The following CACNB2 variants were observed in gnomAD, a reference collection of about 807,000 sequenced individuals.
CACNB2 encodes calcium voltage-gated channel auxiliary subunit beta 2, also known as voltage-dependent L-type calcium channel subunit beta-2.
Under a neutral mutation model 73.3 loss-of-function variants are expected in CACNB2, and 42 were observed. The observed-to-expected ratio is 0.57, with a 90% CI of 0.45 to 0.74. The LOEUF (loss-of-function observed/expected upper bound fraction) is 0.74. CACNB2 is among the 30% of genes least tolerant of loss of function. CACNB2 has a pLI of 0.00. For synonymous variants in CACNB2, 348 were observed against 310.3 expected, an observed-to-expected ratio of 1.12 and a Z score of -1.28; for missense variants, 940 against 853.0, an observed-to-expected ratio of 1.10 and a Z score of -1.27.
intron 2 of CACNB2, among the ~76,000 whole-genome samples, chr10:18,161,551 T>A (rs1488982122): frequency 6.6e-6 from 1 of 151,918 alleles, no homozygotes; most frequent in Non-Finnish European, 1.5e-5. Context: ...ATGACCCCCA[T>A]TCTCATTGCC....
At chr10:18,225,628 CCTTT>C (rs1299670628) in intron 2 of CACNB2, among the ~76,000 whole-genome samples, 6 of 132,590 alleles carry the variant, frequency 4.5e-5, no homozygotes, top group Non-Finnish European at 7.9e-5. Context: ...TTCCTTCCTT[CCTTT>C]CTTTCTTTTC....
intron 2 of CACNB2, among the ~76,000 whole-genome samples, chr10:18,199,304 T>A (rs1010052859): frequency 6.6e-6 from 1 of 152,138 alleles, no homozygotes; most frequent in Admixed American, 6.6e-5. Flanking sequence ...TGGAGAGACA[T>A]ACAATAAACA....
intron 2 of CACNB2, among the ~76,000 whole-genome samples, chr10:18,197,584 C>A (rs1206217718): frequency 6.6e-6 from 1 of 152,158 alleles, no homozygotes. Context: ...CAAAGTGCAT[C>A]TTAAGAGGGC....
chr10:18,269,158 A>G (rs896652004), intron 2 of CACNB2, among the ~76,000 whole-genome samples: 2 of 152,204 alleles, frequency 1.3e-5, no homozygotes. Context: ...TCCTAAATAA[A>G]TAAAGGTCAG....
intron 2 of CACNB2, among the ~76,000 whole-genome samples, chr10:18,381,701 A>G (rs1288422605): frequency 6.6e-6 from 1 of 151,924 alleles, no homozygotes; most frequent in Non-Finnish European, 1.5e-5. Flanking sequence ...AAAAAAAAAA[A>G]AAAAAGGTTC....
chr10:18,248,829 C>T (rs992120365), intron 2 of CACNB2, among the ~76,000 whole-genome samples: 1 of 152,204 alleles, frequency 6.6e-6, no homozygotes, highest in African/African-American at 2.4e-5. Flanking sequence ...CTGTTCCTCT[C>T]TCCCTCTGTC....
intron 3 of CACNB2, among the ~76,000 whole-genome samples, chr10:18,422,060 C>T (rs540808530): frequency 6.6e-6 from 1 of 152,298 alleles, no homozygotes; most frequent in Admixed American, 6.5e-5. Flanking sequence ...TTTTGATGTT[C>T]CGTTTTAAGA....
Position 18,514,251 on chromosome 10 carries a change from C to A in CACNB2, c.686C>A (p.Ala229Asp), listed in dbSNP as rs145885745. Residue 229 changes from alanine to aspartate, a missense_variant, in exon 7 of 14, where the codon GCT becomes GAT. Physicochemically the swap from Ala to Asp is moderately radical, Grantham distance 126 (BLOSUM62 -2). Coordinates refer to ENST00000324631, the MANE Select transcript of CACNB2 (RefSeq NM_201596.3). ...TPPSSAIDID[A>D]TGLDAEENDI... ...CTGTATATAGCTATAGACATAGATG[C>A]TACTGGCTTAGATGCAGAAGAAAAT... 35 of 1,613,994 alleles carry A rather than the reference C, an allele frequency of 2.2e-5. No individual in the cohort carries two copies. Among genetic ancestry groups the A allele is most frequent in the Non-Finnish European group, 2.8e-5 (33 of 1,179,990 alleles).
intron 3 of CACNB2, among the ~76,000 whole-genome samples, chr10:18,412,962 T>C (rs1272064854): frequency 6.6e-6 from 1 of 152,148 alleles, no homozygotes; most frequent in African/African-American, 2.4e-5. Context: ...TATTTTATTG[T>C]GTTGTATTTT....
intron 2 of CACNB2, among the ~76,000 whole-genome samples, chr10:18,169,629 T>A (rs1167820291): frequency 6.6e-6 from 1 of 152,162 alleles, no homozygotes; most frequent in Admixed American, 6.5e-5. Flanking sequence ...TTTTGTAAGG[T>A]AGGTGTTTCA....
chr10:18,300,717 TG>T (rs1171873047), intron 2 of CACNB2, among the ~76,000 whole-genome samples: 1 of 152,054 alleles, frequency 6.6e-6, no homozygotes, highest in Non-Finnish European at 1.5e-5. Flanking sequence ...TGCATGGTGG[TG>T]GGCACCTGTA....
intron 2 of CACNB2, among the ~76,000 whole-genome samples, chr10:18,239,053 T>C (rs1453879089): frequency 2.0e-5 from 3 of 152,146 alleles, no homozygotes; most frequent in Admixed American, 6.6e-5. Context: ...ATCTTTTCAG[T>C]GGGGGCAGTA....
At chr10:18,463,888 C>G (rs563521848) in intron 3 of CACNB2, among the ~76,000 whole-genome samples, 14 of 152,232 alleles carry the variant, frequency 9.2e-5, no homozygotes, top group South Asian at 6.2e-4. Flanking sequence ...GCTCTGCCCC[C>G]CTTCCCAGCC....
chr10:18,248,880 C>G (rs181495832), intron 2 of CACNB2, among the ~76,000 whole-genome samples: 1 of 152,268 alleles, frequency 6.6e-6, no homozygotes, highest in East Asian at 1.9e-4. Flanking sequence ...AAACCTGACT[C>G]TCATTCACTC....
At chr10:18,207,476 A>C (rs1180076677) in intron 2 of CACNB2, among the ~76,000 whole-genome samples, 1 of 152,210 alleles carries the variant, frequency 6.6e-6, no homozygotes, top group African/African-American at 2.4e-5. Context: ...CATCCACCAG[A>C]GGTCTTGGAA....
chr10:18,152,708 C>A (rs1220371039), intron 2 of CACNB2, among the ~76,000 whole-genome samples: 1 of 51,398 alleles, frequency 1.9e-5, no homozygotes, highest in African/African-American at 9.6e-5. Flanking sequence ...CTGAAACAGA[C>A]CAAAAAAAAA....
At chr10:18,156,495 G>T (rs2032052160) in intron 2 of CACNB2, among the ~76,000 whole-genome samples, 1 of 152,200 alleles carries the variant, frequency 6.6e-6, no homozygotes. Flanking sequence ...AGCCTTTGGG[G>T]TAAGGGCTGA....
At chr10:18,485,384 A>G (rs1003430826) in intron 3 of CACNB2, among the ~76,000 whole-genome samples, 15 of 152,078 alleles carry the variant, frequency 9.9e-5, no homozygotes, top group Admixed American at 8.5e-4. Flanking sequence ...GTACCTCTTC[A>G]GTTCCTGGGT....
chr10:18,274,318 C>T (rs2038184831), intron 2 of CACNB2, among the ~76,000 whole-genome samples: 1 of 152,132 alleles, frequency 6.6e-6, no homozygotes, highest in South Asian at 2.1e-4. Flanking sequence ...ACTATCAGCA[C>T]CCCTCAGCAC....
Sources: gnomAD v4.1 joint callset for allele counts (sites outside exome capture counted in the v4.1 genomes callset) on GRCh38, gnomAD v4.1.1 for gene constraint, MANE v1.5 for transcripts, NCBI Gene and HGNC (gene_info 2026-07-23, HGNC 2026-07-21) for gene names.